The following SDK1 variants were observed in gnomAD, a reference collection of about 807,000 sequenced individuals.
SDK1 encodes the protein protein sidekick-1.
A neutral mutation model predicts 245.5 loss-of-function variants in SDK1; 157 were observed. The ratio of observed to expected loss-of-function variants is 0.64; its 90% CI spans 0.56 to 0.73. The LOEUF (loss-of-function observed/expected upper bound fraction) is 0.73, where lower values mean the gene tolerates loss of function less well. SDK1 is among the 30% of genes least tolerant of loss of function. The pLI, the probability that SDK1 is intolerant of heterozygous loss-of-function variation, is 0.00. For missense variants in SDK1, 3,583 were observed against 3,002.3 expected (o/e 1.19, Z -4.52); for synonymous variants, 1,647 against 1,278.5 (o/e 1.29, Z -6.15).
intron 4 of SDK1, among the ~76,000 whole-genome samples, chr7:3,763,834 A>G (rs1447081552): frequency 6.6e-6 from 1 of 152,186 alleles, no homozygotes; most frequent in Non-Finnish European, 1.5e-5. Flanking sequence ...TACTGATAAT[A>G]AGCAACAAAC....
intron 5 of SDK1, among the ~76,000 whole-genome samples, chr7:3,897,603 G>A (rs915591635): frequency 2.6e-5 from 4 of 152,130 alleles, no homozygotes; most frequent in South Asian, 2.1e-4. Context: ...TTCATGTGAC[G>A]GACACTTGGG....
At chr7:4,098,604 C>T (rs180706544) in intron 22 of SDK1, among the ~76,000 whole-genome samples, 364 of 152,164 alleles carry the variant, frequency 2.4e-3, no homozygotes, top group African/African-American at 8.4e-3. Context: ...TTTCTCCCTC[C>T]GAGAATTCAC....
At chr7:3,906,716 C>T (rs1214071306) in intron 5 of SDK1, among the ~76,000 whole-genome samples, 1 of 144,922 alleles carries the variant, frequency 6.9e-6, no homozygotes, top group Non-Finnish European at 1.5e-5. Flanking sequence ...CAACCTCTGC[C>T]TCCCAGGTTC....
intron 1 of SDK1, among the ~76,000 whole-genome samples, chr7:3,564,764 A>G (rs1169179756): frequency 6.6e-6 from 1 of 152,162 alleles, no homozygotes; most frequent in African/African-American, 2.4e-5. Flanking sequence ...TTTATGGTTG[A>G]GTTCTACTAA....
intron 1 of SDK1, among the ~76,000 whole-genome samples, chr7:3,512,008 T>G (rs1418307370): frequency 6.6e-6 from 1 of 151,710 alleles, no homozygotes; most frequent in Non-Finnish European, 1.5e-5. Flanking sequence ...AATTCACTCT[T>G]GATATTGTAC....
At chr7:3,434,348 T>C (rs552273246) in intron 1 of SDK1, among the ~76,000 whole-genome samples, 1 of 152,322 alleles carries the variant, frequency 6.6e-6, no homozygotes, top group South Asian at 2.1e-4. Context: ...GGTTTTGGTA[T>C]ATGAGGTGGA....
chr7:3,720,979 G>A lies in SDK1; in HGVS notation c.713+78874G>A, dbSNP rs1583340653. ...ACCTCAAGAGAGTTATATTGAGTGA[G>A]AAAAGCCAATCTCAAATGGTCACAG... On this transcript the variant is annotated intron_variant, in intron 4 of 44. Coordinates refer to ENST00000404826, the MANE Select transcript of SDK1 (RefSeq NM_152744.4). Among the ~76,000 whole-genome samples, 4 of 152,192 alleles carry A rather than the reference G, an allele frequency of 2.6e-5. No individual in the cohort carries two copies. In the East Asian group the frequency reaches 7.7e-4, roughly 29 times the overall value.
chr7:3,506,304 A>T (rs962927524), intron 1 of SDK1, among the ~76,000 whole-genome samples: 3 of 152,000 alleles, frequency 2.0e-5, no homozygotes, highest in African/African-American at 7.2e-5. Flanking sequence ...ATGTTCTTCT[A>T]TTGTCTTCTG....
chr7:3,975,362 C>G (rs1218531866), intron 13 of SDK1, among the ~76,000 whole-genome samples: 1 of 152,236 alleles, frequency 6.6e-6, no homozygotes, highest in African/African-American at 2.4e-5. Flanking sequence ...GCATCCGTCC[C>G]TGGTCATCGT....
intron 20 of SDK1, among the ~76,000 whole-genome samples, chr7:4,073,381 A>G (rs1347323270): frequency 6.6e-6 from 1 of 152,180 alleles, no homozygotes; most frequent in Non-Finnish European, 1.5e-5. Flanking sequence ...CTCTCTAGCT[A>G]TCCGTTTGGT....
rs553425735 is a variant in SDK1, at chr7:3,743,330, G to A, written c.714-78120G>A. ...AGGTTTGAGACTCGGGTTCTGTGGC[G>A]GTACAGTCTTGCTAAGTCACAGATT... On this transcript the variant is annotated intron_variant, in intron 4 of 44. Coordinates refer to ENST00000404826, the MANE Select transcript of SDK1 (RefSeq NM_152744.4). Among the ~76,000 whole-genome samples, 49 of 152,216 alleles carry A rather than the reference G, an allele frequency of 3.2e-4. 1 individual carries two copies. The highest frequency in any genetic ancestry group is 1.1e-3 in the African/African-American group (45 of 41,518).
chr7:3,441,149 T>G (rs1275740553), intron 1 of SDK1, among the ~76,000 whole-genome samples: 1 of 152,212 alleles, frequency 6.6e-6, no homozygotes, highest in Non-Finnish European at 1.5e-5. Context: ...CAGCCCATGT[T>G]CACATAACTA....
chr7:3,589,598 A>G (rs1583201386), intron 1 of SDK1, among the ~76,000 whole-genome samples: 1 of 152,242 alleles, frequency 6.6e-6, no homozygotes, highest in African/African-American at 2.4e-5. Flanking sequence ...AGGCCTCACA[A>G]TCATGGTGGA....
intron 44 of SDK1, among the ~76,000 whole-genome samples, chr7:4,257,793 G>A (rs1787720962): frequency 1.3e-5 from 2 of 152,208 alleles, no homozygotes. Context: ...CGGCCTCCCA[G>A]CTTTCCTCCC....
chr7:3,958,804 A>C (rs1781456097), intron 7 of SDK1, 127 bp from the exon 8 acceptor site: 2 of 762,630 alleles, frequency 2.6e-6, no homozygotes, highest in Non-Finnish European at 4.4e-6. Flanking sequence ...GTTTGTATGC[A>C]CGATGCTAAC....
chr7:3,607,416 T>C (rs1047377196), intron 1 of SDK1, among the ~76,000 whole-genome samples: 2 of 152,246 alleles, frequency 1.3e-5, no homozygotes, highest in African/African-American at 4.8e-5. Context: ...ATATATTTTC[T>C]TTGTTTCCTG....
intron 1 of SDK1, among the ~76,000 whole-genome samples, chr7:3,380,567 A>G (rs1020772048): frequency 6.6e-6 from 1 of 152,242 alleles, no homozygotes; most frequent in African/African-American, 2.4e-5. Flanking sequence ...ATTAAGCTGC[A>G]AGTAACAAAT....
chr7:3,705,375 G>T (rs1200002532), intron 4 of SDK1, among the ~76,000 whole-genome samples: 1 of 151,354 alleles, frequency 6.6e-6, no homozygotes. Flanking sequence ...GCAGTGGTTT[G>T]TAGTTCTCTG....
At chr7:4,233,856 T>C (rs114427275) in intron 41 of SDK1, among the ~76,000 whole-genome samples, 3 of 152,124 alleles carry the variant, frequency 2.0e-5, no homozygotes, top group South Asian at 4.1e-4. Flanking sequence ...AGGCCCCTTA[T>C]GGGCTTTGTG....
Sources: gnomAD v4.1 joint callset for allele counts (sites outside exome capture counted in the v4.1 genomes callset) on GRCh38, gnomAD v4.1.1 for gene constraint, MANE v1.5 for transcripts, NCBI Gene and HGNC (gene_info 2026-07-23, HGNC 2026-07-21) for gene names.